OSBPL3: variants seen among roughly 807,000 people sequenced by gnomAD.
OSBPL3 encodes the protein oxysterol-binding protein-related protein 3.
OSBPL3 carries 65 observed loss-of-function variants against 120.1 expected under a neutral mutation model. The ratio of observed to expected loss-of-function variants is 0.54; its 90% CI spans 0.44 to 0.67. The LOEUF (loss-of-function observed/expected upper bound fraction) is 0.67. OSBPL3 is among the 30% of genes least tolerant of loss of function. OSBPL3 has a pLI of 0.00. For synonymous variants in OSBPL3, 416 were observed against 402.6 expected, an observed-to-expected ratio of 1.03 and a Z score of -0.40; for missense variants, 1,004 against 1,082.1, an observed-to-expected ratio of 0.93 and a Z score of 1.01.
chr7:24,852,206 G>A lies in OSBPL3; in HGVS notation c.1158+298C>T, dbSNP rs541187426. 6.6e-6 allele frequency among the ~76,000 whole-genome samples: 1 copy of A among 152,216 alleles called. No homozygotes were observed. The highest frequency in any genetic ancestry group is 2.1e-4 in the South Asian group (1 of 4,818). The stretch of plus-strand genomic sequence containing the variant: ...AGCATTAACAGAAAAATGTCTGTAA[G>A]ACACGCACACATACACACAAAAACG... On this transcript the variant is annotated intron_variant, in intron 11 of 22. Transcript: ENST00000313367. This position sits in a 1 kb window ranked among gnomAD's most constrained non-coding sequence, Gnocchi z 4.1.
intron 16 of OSBPL3, among the ~76,000 whole-genome samples, chr7:24,828,634 A>AAAAAAAAAAAAAAAAAAAAAAT (rs1796012997): frequency 6.7e-6 from 1 of 148,964 alleles, no homozygotes; most frequent in Non-Finnish European, 1.5e-5. Flanking sequence ...AAAAAAAAAA[A>AAAAAAAAAAAAAAAAAAAAAAT]AAGGCATCGT....
chr7:24,813,543 G>C lies in OSBPL3; in HGVS notation c.2172+1516C>G, dbSNP rs569054638. Among the ~76,000 whole-genome samples the C allele has an allele frequency of 6.6e-6, 1 of 152,256 alleles. No individual in the cohort carries two copies. Among genetic ancestry groups the C allele is most frequent in the South Asian group, 2.1e-4 (1 of 4,824 alleles). ...CAGAGAGCTTAGACAAAGCTTTCAA[G>C]GTAGGGTCATTTTTATTTTGTCCCA... On this transcript the variant is annotated intron_variant, in intron 19 of 22. Coordinates refer to ENST00000313367, the MANE Select transcript of OSBPL3 (RefSeq NM_015550.4). The surrounding 1 kb of genome is among the most constrained non-coding windows in gnomAD (Gnocchi z 4.5).
rs1450263074 is a variant in OSBPL3 at position 24,873,212 on chromosome 7, C to T, written c.97-1143G>A. Among the ~76,000 whole-genome samples the T allele has an allele frequency of 6.6e-6, 1 of 152,164 alleles. No homozygotes were observed. The highest frequency in any genetic ancestry group is 1.5e-5 in the Non-Finnish European group (1 of 68,032). On this transcript the variant is annotated intron_variant, in intron 2 of 22. Transcript: ENST00000313367. This position sits in a 1 kb window ranked among gnomAD's most constrained non-coding sequence, Gnocchi z 4.1. Reference sequence around the variant, plus strand: ...GAAGCCAAGGGCACTGGGAGATGGACAGTGAGTCTGAACCAGCACCAGGGA... The same window carrying T: ...GAAGCCAAGGGCACTGGGAGATGGATAGTGAGTCTGAACCAGCACCAGGGA...
rs1014173916 is a variant in OSBPL3 at position 24,964,383 on chromosome 7, T to C, written c.-150+15503A>G. 3.9e-5 allele frequency among the ~76,000 whole-genome samples: 6 copies of C among 152,180 alleles called. No individual in the cohort carries two copies. The highest frequency in any genetic ancestry group is 2.6e-4 in the Admixed American group (4 of 15,288). On this transcript the variant is annotated intron_variant, in intron 1 of 22. Transcript: ENST00000313367. The surrounding 1 kb of genome is among the most constrained non-coding windows in gnomAD (Gnocchi z 4.2). ...AACTATAAATCATGCTGCTAACATA[T>C]ACTCTTGATATGATGTAATGAGAAT...
chr7:24,851,710 C>T lies in OSBPL3; in HGVS notation c.1158+794G>A, dbSNP rs1799172784. On this transcript the variant is annotated intron_variant, in intron 11 of 22. Transcript: ENST00000313367. This position sits in a 1 kb window ranked among gnomAD's most constrained non-coding sequence, Gnocchi z 4.1. ...ATCAGTATGCTATTTCAAAAGTTCT[C>T]TAGCCTCCTGATAGATTCAGGGTAA... Among the ~76,000 whole-genome samples, 1 of 150,894 alleles carries T rather than the reference C, an allele frequency of 6.6e-6. No individual in the cohort carries two copies.
At chr7:24,902,712 A>ATAATAG (rs1021182175) in intron 1 of OSBPL3, among the ~76,000 whole-genome samples, 12 of 148,074 alleles carry the variant, frequency 8.1e-5, no homozygotes, top group Admixed American at 6.1e-4. Flanking sequence ...AATAATAATA[A>ATAATAG]TAATAATAAT....
At chr7:24,942,833 T>C (rs893884104) in intron 1 of OSBPL3, among the ~76,000 whole-genome samples, 3 of 152,218 alleles carry the variant, frequency 2.0e-5, no homozygotes, top group African/African-American at 7.2e-5. Context: ...AATAGCCTCA[T>C]GGCAGGACAG....
chr7:24,836,286 G>C (rs910714692), intron 14 of OSBPL3, among the ~76,000 whole-genome samples: 4 of 152,152 alleles, frequency 2.6e-5, no homozygotes, highest in Non-Finnish European at 5.9e-5. Flanking sequence ...CTTCAGGCTT[G>C]TCATTTTCAT....
At chr7:24,905,688 T>C (rs1182672255) in intron 1 of OSBPL3, among the ~76,000 whole-genome samples, 2 of 152,104 alleles carry the variant, frequency 1.3e-5, no homozygotes, top group Admixed American at 6.5e-5. Flanking sequence ...TCCAAAACTA[T>C]TCTCTTTGAT....
chr7:24,971,130 C>T (rs1033805512), intron 1 of OSBPL3, among the ~76,000 whole-genome samples: 17 of 152,220 alleles, frequency 1.1e-4, no homozygotes, highest in Admixed American at 2.0e-4. Context: ...TACATCCATC[C>T]TCTGATCCTC....
At chr7:24,917,401 C>CATACATATATATATATATATATATATAT in intron 1 of OSBPL3, among the ~76,000 whole-genome samples, 2 of 100,066 alleles carry the variant, frequency 2.0e-5, no homozygotes, top group East Asian at 6.7e-4. Flanking sequence ...ATATTTGTAA[C>CATACATATATATATATATATATATATAT]ATATATATAT....
chr7:24,861,815 C>T lies in OSBPL3; in HGVS notation c.871-46G>A, dbSNP rs747321336. The T allele has an allele frequency of 3.7e-6, 5 of 1,333,506 alleles. No homozygotes were observed. The Admixed American group carries it at 1.1e-4, about 30-fold the overall frequency. 82.6% of individuals were successfully genotyped at this position (1,333,506 alleles called of 1,614,324 possible). A position where few individuals can be genotyped will look rare whatever the true frequency, so the allele number is the denominator to read the frequency against. ...GATATTTCTTTTCAGATGCAGATTGCTTAGAATATTTACTTGATTCTAAGA... is the reference window on the plus strand; with the variant it reads ...GATATTTCTTTTCAGATGCAGATTGTTTAGAATATTTACTTGATTCTAAGA... On this transcript the variant is annotated intron_variant, in intron 9 of 22. Transcript: ENST00000313367.
In OSBPL3 at chr7:24,864,182, A is replaced by C. The variant is rs1800984130; in HGVS notation, c.674-583T>G. The stretch of plus-strand genomic sequence containing the variant: ...TTGCACATGGACCTGAGAGGACATA[A>C]GAGGACTCTCCAACCAGATCCCAGT... On this transcript the variant is annotated intron_variant, in intron 7 of 22. Coordinates refer to ENST00000313367, the MANE Select transcript of OSBPL3 (RefSeq NM_015550.4). 2.6e-5 allele frequency among the ~76,000 whole-genome samples: 4 copies of C among 152,220 alleles called. No individual in the cohort carries two copies. In the South Asian group the frequency reaches 8.3e-4, roughly 31 times the overall value.
At chr7:24,941,231 A>G (rs1813071953) in intron 1 of OSBPL3, among the ~76,000 whole-genome samples, 1 of 152,212 alleles carries the variant, frequency 6.6e-6, no homozygotes, top group South Asian at 2.1e-4. Flanking sequence ...AATCCTAAAA[A>G]TTCCAGTCTA....
intron 1 of OSBPL3, among the ~76,000 whole-genome samples, chr7:24,895,034 T>G (rs1332111202): frequency 6.6e-6 from 1 of 152,150 alleles, no homozygotes; most frequent in African/African-American, 2.4e-5. Context: ...GCCCCTCCCA[T>G]GCCCAGCCAC....
chr7:24,811,298 T>C (rs1793765371), intron 19 of OSBPL3, among the ~76,000 whole-genome samples: 1 of 152,252 alleles, frequency 6.6e-6, no homozygotes, highest in South Asian at 2.1e-4. Flanking sequence ...TTTCCTCATA[T>C]ATCTATTGGC....
rs1798863574 is a variant in OSBPL3, at chr7:24,849,387, A to G, written c.1159-211T>C. The G allele has an allele frequency of 2.7e-6, 1 of 371,692 alleles. No homozygotes were observed. The highest frequency in any genetic ancestry group is 3.7e-5 in the South Asian group (1 of 27,356). The allele number at this position is 371,692 out of a possible 1,614,324, so 23.0% of individuals were successfully genotyped here. A position where few individuals can be genotyped will look rare whatever the true frequency, so the allele number is the denominator to read the frequency against. On this transcript the variant is annotated intron_variant, in intron 11 of 22. Coordinates refer to ENST00000313367, the MANE Select transcript of OSBPL3 (RefSeq NM_015550.4). This position sits in a 1 kb window ranked among gnomAD's most constrained non-coding sequence, Gnocchi z 5.4. ...GAGATGACAAACCTGGGCTCTGGAA[A>G]TGATGCTCTTTTTCTTTTCTCATTC...
rs539482012 is a variant in OSBPL3 at position 24,878,309 on chromosome 7, GA to G, written c.97-6241del. Among the ~76,000 whole-genome samples, 249 of 152,320 alleles carry G rather than the reference GA, an allele frequency of 1.6e-3. 1 individual carries two copies. Among genetic ancestry groups the G allele is most frequent in the African/African-American group, 5.9e-3 (245 of 41,560 alleles). ...CTTCTTGCAGCTCAAGAGTGTTGGG[GA>G]AGAAAGTTTTGTGGTTGCCTCTATC... On this transcript the variant is annotated intron_variant, in intron 2 of 22. Transcript: ENST00000313367.
At chr7:24,909,773 T>TC (rs1808514960) in intron 1 of OSBPL3, among the ~76,000 whole-genome samples, 1 of 140,142 alleles carries the variant, frequency 7.1e-6, no homozygotes, top group African/African-American at 2.6e-5. Flanking sequence ...CTACTGTTTT[T>TC]TTTTTCTTTC....
Sources: gnomAD v4.1 joint callset for allele counts (sites outside exome capture counted in the v4.1 genomes callset) on GRCh38, gnomAD v4.1.1 for gene constraint, Gnocchi (gnomAD v3.1) non-coding constraint, MANE v1.5 for transcripts, NCBI Gene and HGNC (gene_info 2026-07-23, HGNC 2026-07-21) for gene names.